LRMDA: variants seen among roughly 807,000 people sequenced by gnomAD.
The protein encoded by LRMDA is leucine-rich melanocyte differentiation-associated protein.
In LRMDA, 18 loss-of-function variants were observed where a neutral mutation model predicts 29.8. The observed-to-expected ratio is 0.60, with a 90% CI of 0.42 to 0.90. The LOEUF (loss-of-function observed/expected upper bound fraction) is 0.90, where lower values mean the gene tolerates loss of function less well. Among genes scored for constraint, LRMDA ranks in the 40% least tolerant of loss-of-function variants. The pLI is 0.00. For missense variants in LRMDA, 273 were observed against 273.9 expected, an observed-to-expected ratio of 1.00 and a Z score of 0.02; for synonymous variants, 125 against 109.4, an observed-to-expected ratio of 1.14 and a Z score of -0.89.
At chr10:75,936,521 T>C (rs535632349) in intron 2 of LRMDA, among the ~76,000 whole-genome samples, 4 of 152,302 alleles carry the variant, frequency 2.6e-5, no homozygotes, top group Admixed American at 6.5e-5. Flanking sequence ...CGCACATATC[T>C]TTTTGCTTCA....
intron 5 of LRMDA, among the ~76,000 whole-genome samples, chr10:76,230,588 G>A (rs1292304969): frequency 1.3e-5 from 2 of 148,334 alleles, no homozygotes; most frequent in East Asian, 3.9e-4. Flanking sequence ...TCCCATGCAT[G>A]AATAAAATAA....
At chr10:75,927,629 C>T (rs765993965) in intron 2 of LRMDA, among the ~76,000 whole-genome samples, 1 of 152,186 alleles carries the variant, frequency 6.6e-6, no homozygotes, top group Non-Finnish European at 1.5e-5. Flanking sequence ...AAGACACATT[C>T]CCCAAAATGA....
At chr10:76,306,495 C>T (rs1840557853) in intron 5 of LRMDA, among the ~76,000 whole-genome samples, 1 of 152,214 alleles carries the variant, frequency 6.6e-6, no homozygotes, top group Non-Finnish European at 1.5e-5. Context: ...CTAAGTCACA[C>T]ATGACACGGG....
chr10:76,265,107 G>A (rs916510541), intron 5 of LRMDA, among the ~76,000 whole-genome samples: 3 of 152,098 alleles, frequency 2.0e-5, no homozygotes, highest in East Asian at 1.9e-4. Context: ...GGCCTCTGGG[G>A]CCTGCACAGG....
At chr10:76,457,793 C>T (rs947894546) in intron 6 of LRMDA, among the ~76,000 whole-genome samples, 3 of 135,678 alleles carry the variant, frequency 2.2e-5, no homozygotes, top group Non-Finnish European at 5.0e-5. Flanking sequence ...CTTTCAGGAA[C>T]CTAACTCTGT....
At position 75,703,630 on chromosome 10, in the gene LRMDA, G is replaced by A. The variant is rs75936793; in HGVS notation, c.131+265136G>A. Among the ~76,000 whole-genome samples, 1,471 of 152,320 alleles carry A rather than the reference G, an allele frequency of 9.7e-3. 24 individuals carry two copies. Among genetic ancestry groups the A allele is most frequent in the African/African-American group, 0.034 (1,393 of 41,560 alleles). ...ATGTATATACAGCTCCTAAAGGAGG[G>A]AAGCCGCCCTCCTGTCACATCCTTC... On this transcript the variant is annotated intron_variant, in intron 2 of 6. Coordinates refer to ENST00000611255, the MANE Select transcript of LRMDA (RefSeq NM_001305581.2).
intron 5 of LRMDA, among the ~76,000 whole-genome samples, chr10:76,142,683 TTTATTATTATTA>T (rs35542542): frequency 6.8e-6 from 1 of 147,268 alleles, no homozygotes; most frequent in Admixed American, 6.7e-5. Flanking sequence ...TGTTATTATC[TTTATTATTATTA>T]TTATTATTAT....
chr10:75,953,594 A>G (rs769367505), intron 2 of LRMDA, among the ~76,000 whole-genome samples: 9 of 152,328 alleles, frequency 5.9e-5, no homozygotes, highest in Middle Eastern at 3.4e-3. Flanking sequence ...GAATAGTGCT[A>G]TCTGCTACCC....
At chr10:75,995,874 G>T (rs1265246309) in intron 2 of LRMDA, among the ~76,000 whole-genome samples, 1 of 152,154 alleles carries the variant, frequency 6.6e-6, no homozygotes, top group Non-Finnish European at 1.5e-5. Context: ...CTTGGACTGT[G>T]TTCAAGAGTA....
At chr10:76,113,690 G>A (rs992146826) in intron 5 of LRMDA, among the ~76,000 whole-genome samples, 4 of 152,174 alleles carry the variant, frequency 2.6e-5, no homozygotes, top group Non-Finnish European at 1.5e-5. Context: ...CAGTGGGAAG[G>A]GATGTGGCTG....
intron 6 of LRMDA, among the ~76,000 whole-genome samples, chr10:76,525,532 C>T (rs2132366890): frequency 6.6e-6 from 1 of 152,224 alleles, no homozygotes; most frequent in East Asian, 1.9e-4. Context: ...AGGCAAGAAC[C>T]TGATTTTCTT....
intron 2 of LRMDA, among the ~76,000 whole-genome samples, chr10:75,777,003 G>A (rs1260883112): frequency 3.9e-5 from 6 of 152,252 alleles, no homozygotes; most frequent in Non-Finnish European, 7.3e-5. Flanking sequence ...TGCCCATGAG[G>A]GCTGCAGAGC....
intron 2 of LRMDA, among the ~76,000 whole-genome samples, chr10:75,602,525 A>T (rs574597476): frequency 5.9e-5 from 9 of 152,328 alleles, no homozygotes; most frequent in Non-Finnish European, 1.2e-4. Flanking sequence ...AGTCTCCTTT[A>T]TAACATTCAA....
chr10:75,561,451 G>A (rs1358462174), intron 2 of LRMDA, among the ~76,000 whole-genome samples: 1 of 151,752 alleles, frequency 6.6e-6, no homozygotes, highest in East Asian at 1.9e-4. Flanking sequence ...CTAGCGGTCT[G>A]TCAATTTTGT....
intron 5 of LRMDA, among the ~76,000 whole-genome samples, chr10:76,116,842 A>G (rs1006827738): frequency 2.0e-5 from 3 of 152,082 alleles, no homozygotes; most frequent in South Asian, 2.1e-4. Context: ...TTGATGCCCT[A>G]TGTGTCTGTT....
At chr10:76,467,808 C>A (rs796218563) in intron 6 of LRMDA, among the ~76,000 whole-genome samples, 1 of 152,170 alleles carries the variant, frequency 6.6e-6, no homozygotes, top group Non-Finnish European at 1.5e-5. Context: ...ATTTGGCATG[C>A]CAGCTTGGGT....
At chr10:76,358,936 C>T (rs541450188) in intron 6 of LRMDA, among the ~76,000 whole-genome samples, 8 of 152,230 alleles carry the variant, frequency 5.3e-5, no homozygotes, top group South Asian at 2.1e-4. Context: ...TTTGGCGTCC[C>T]GCTGGAACTG....
intron 5 of LRMDA, among the ~76,000 whole-genome samples, chr10:76,252,443 G>T (rs1200593120): frequency 1.3e-5 from 2 of 152,146 alleles, no homozygotes; most frequent in Non-Finnish European, 2.9e-5. Flanking sequence ...ACACATTCAA[G>T]CAGATGCATC....
At chr10:75,897,216 CTCTCCAATGAGTAGCAGAA>C (rs1358498207) in intron 2 of LRMDA, among the ~76,000 whole-genome samples, 1 of 152,208 alleles carries the variant, frequency 6.6e-6, no homozygotes. Flanking sequence ...TGGGTAATGG[CTCTCCAATGAGTAGCAGAA>C]TTTTCTATCA....
Sources: allele counts gnomAD v4.1 joint callset (sites outside exome capture counted in the v4.1 genomes callset), GRCh38; gene constraint gnomAD v4.1.1; transcripts MANE v1.5; gene names NCBI Gene and HGNC (gene_info 2026-07-23, HGNC 2026-07-21).